ASTN2: variants seen among roughly 807,000 people sequenced by gnomAD.
The protein encoded by ASTN2 is astrotactin-2.
In ASTN2, 54 loss-of-function variants were observed where a neutral mutation model predicts 139.8. That is an observed-to-expected ratio of 0.39 (90% CI 0.31 to 0.48). The LOEUF is 0.48. ASTN2 is among the 20% of genes least tolerant of loss of function. ASTN2 has a pLI of 0.95. For synonymous variants in ASTN2, 756 were observed against 719.5 expected, an observed-to-expected ratio of 1.05 and a Z score of -0.81; for missense variants, 1,565 against 1,725.1, an observed-to-expected ratio of 0.91 and a Z score of 1.64.
chr9:117,339,855 T>C (rs549578458), intron 1 of ASTN2, among the ~76,000 whole-genome samples: 5 of 151,350 alleles, frequency 3.3e-5, no homozygotes, highest in Non-Finnish European at 7.4e-5. Flanking sequence ...TAATCAAATA[T>C]TTATGGATTT....
At chr9:117,332,843 C>T (rs1485114820) in intron 1 of ASTN2, among the ~76,000 whole-genome samples, 1 of 152,166 alleles carries the variant, frequency 6.6e-6, no homozygotes, top group Non-Finnish European at 1.5e-5. Flanking sequence ...AATACAGATG[C>T]ATGCTAAAAC....
chr9:116,809,214 T>C (rs1308547661), intron 12 of ASTN2, among the ~76,000 whole-genome samples: 2 of 152,214 alleles, frequency 1.3e-5, no homozygotes, highest in African/African-American at 4.8e-5. Context: ...TAGTATTGTA[T>C]ATGTTTAAAA....
chr9:116,588,996 G>A (rs1854270626), intron 19 of ASTN2, among the ~76,000 whole-genome samples: 1 of 152,184 alleles, frequency 6.6e-6, no homozygotes, highest in Admixed American at 6.5e-5. Context: ...TTTGGAGAAA[G>A]GTCATATAAT....
Position 117,224,404 on chromosome 9 carries a change from T to A in ASTN2, c.631-9662A>T, listed in dbSNP as rs1229643622. The stretch of plus-strand genomic sequence containing the variant: ...TAAGACCTTGTTTCCTAAAAAAAAA[T>A]TTGATACAAAGTAGTGGTGAAACCA... On this transcript the variant is annotated intron_variant, in intron 2 of 22. Coordinates refer to ENST00000313400, the MANE Select transcript of ASTN2 (RefSeq NM_001365068.1). Among the ~76,000 whole-genome samples, 6 of 152,230 alleles carry A rather than the reference T, an allele frequency of 3.9e-5. No individual in the cohort carries two copies. The South Asian group carries it at 6.2e-4, about 16-fold the overall frequency.
intron 19 of ASTN2, among the ~76,000 whole-genome samples, chr9:116,606,799 C>A (rs1014279355): frequency 6.6e-6 from 1 of 152,132 alleles, no homozygotes; most frequent in African/African-American, 2.4e-5. Context: ...GAAAAAGGTG[C>A]TGTTTTTCCC....
chr9:116,664,647 A>G (rs544220366), intron 16 of ASTN2, among the ~76,000 whole-genome samples: 1 of 151,868 alleles, frequency 6.6e-6, no homozygotes, highest in African/African-American at 2.4e-5. Context: ...AAAAGAAAAA[A>G]AAAAACAATC....
rs1554753098 is a variant in ASTN2, at chr9:116,839,883, T to TATTATTA, written c.2041-19101_2041-19100insTAATAAT. ...TCATTATTATTATTATTATTATTAT[T>TATTATTA]TTTTTTTTTTTAATTGATCATTCTT... On this transcript the variant is annotated intron_variant, in intron 11 of 22. Coordinates refer to ENST00000313400, the MANE Select transcript of ASTN2 (RefSeq NM_001365068.1). Among the ~76,000 whole-genome samples, 686 of 97,960 alleles carry TATTATTA rather than the reference T, an allele frequency of 7.0e-3. 6 individuals are homozygous for TATTATTA. The highest frequency in any genetic ancestry group is 0.022 in the African/African-American group (496 of 22,374). The allele number at this position is 97,960 out of a possible 152,430, so 64.3% of individuals were successfully genotyped here.
chr9:116,488,370 T>A (rs1478551991), intron 19 of ASTN2, among the ~76,000 whole-genome samples: 3 of 152,210 alleles, frequency 2.0e-5, no homozygotes, highest in Non-Finnish European at 4.4e-5. Context: ...AATCCTCATT[T>A]TTTGTGCTTC....
chr9:116,457,863 G>T (rs1350350089), intron 20 of ASTN2, among the ~76,000 whole-genome samples: 2 of 152,026 alleles, frequency 1.3e-5, no homozygotes, highest in African/African-American at 4.8e-5. Context: ...ACACCCAAAA[G>T]AAAGGAAATC....
chr9:117,126,138 A>C (rs1457045639), intron 4 of ASTN2, among the ~76,000 whole-genome samples: 2 of 152,246 alleles, frequency 1.3e-5, no homozygotes, highest in African/African-American at 4.8e-5. Flanking sequence ...GAAAATGAAT[A>C]TGAATCCCAC....
intron 10 of ASTN2, 135 bp downstream of exon 10, chr9:116,975,073 A>G: frequency 1.2e-6 from 1 of 867,586 alleles, no homozygotes; most frequent in Non-Finnish European, 1.6e-6. Flanking sequence ...GTTTAGGAGC[A>G]TGGCATATTT....
intron 19 of ASTN2, among the ~76,000 whole-genome samples, chr9:116,515,163 G>A (rs111439435): frequency 9.1e-4 from 139 of 152,262 alleles, no homozygotes; most frequent in African/African-American, 3.2e-3. Flanking sequence ...TTTTAAACAT[G>A]CTCCCCGATA....
At chr9:117,026,275 A>G (rs1183534785) in intron 6 of ASTN2, among the ~76,000 whole-genome samples, 2 of 152,134 alleles carry the variant, frequency 1.3e-5, no homozygotes, top group Non-Finnish European at 2.9e-5. Context: ...TCACAATAAC[A>G]GTCTAATTTC....
chr9:117,101,066 A>T (rs1162034667), intron 4 of ASTN2, among the ~76,000 whole-genome samples: 1 of 152,212 alleles, frequency 6.6e-6, no homozygotes, highest in East Asian at 1.9e-4. Flanking sequence ...AACATTCTGC[A>T]CAAAGACCAA....
At chr9:117,010,985 G>C (rs962700287) in intron 6 of ASTN2, among the ~76,000 whole-genome samples, 78 of 152,304 alleles carry the variant, frequency 5.1e-4, no homozygotes, top group Non-Finnish European at 2.2e-4. Context: ...ACTCAGCTGA[G>C]AGTGGTCAAC....
chr9:117,244,369 A>G (rs1485095276), intron 2 of ASTN2, among the ~76,000 whole-genome samples: 2 of 152,092 alleles, frequency 1.3e-5, no homozygotes, highest in African/African-American at 2.4e-5. Flanking sequence ...AAGCTCCTTA[A>G]AGGCAACTGC....
intron 1 of ASTN2, among the ~76,000 whole-genome samples, chr9:117,298,675 T>TATATATATATATATGTGC (rs1554717054): frequency 4.4e-4 from 57 of 130,606 alleles, no homozygotes; most frequent in South Asian, 3.9e-3. Context: ...TATGTGTATA[T>TATATATATATATATGTGC]ATATATATAT....
intron 20 of ASTN2, among the ~76,000 whole-genome samples, chr9:116,456,265 A>G (rs1021748982): frequency 6.6e-6 from 1 of 152,200 alleles, no homozygotes; most frequent in Non-Finnish European, 1.5e-5. Context: ...CCCGTTTACA[A>G]TAGCTACAAA....
At chr9:116,666,949 C>CTTTTTTTTTTTTTTTTTTTTTTTTTTT (rs34835904) in intron 16 of ASTN2, among the ~76,000 whole-genome samples, 1 of 70,362 alleles carries the variant, frequency 1.4e-5, no homozygotes, top group Non-Finnish European at 2.5e-5. Context: ...TTTATTTATT[C>CTTTTTTTTTTTTTTTTTTTTTTTTTTT]TTTTTTTTTT....
Sources: allele counts gnomAD v4.1 joint callset (sites outside exome capture counted in the v4.1 genomes callset), GRCh38; gene constraint gnomAD v4.1.1; transcripts MANE v1.5; gene names NCBI Gene and HGNC (gene_info 2026-07-23, HGNC 2026-07-21).